TMEM63C: variants seen among roughly 807,000 people sequenced by gnomAD.
TMEM63C encodes osmosensitive cation channel TMEM63C.
TMEM63C carries 32 observed loss-of-function variants against 99.2 expected under a neutral mutation model. The observed-to-expected ratio is 0.32, with a 90% CI of 0.24 to 0.43. The LOEUF (loss-of-function observed/expected upper bound fraction) is 0.43. TMEM63C is among the 20% of genes least tolerant of loss of function. The probability of loss-of-function intolerance (pLI) is 1.00; values close to 1 mark genes in which losing one functional copy is unlikely to be tolerated. For synonymous variants in TMEM63C, 376 were observed against 397.9 expected (o/e 0.94, Z 0.66); for missense variants, 826 against 1,053.0 (o/e 0.78, Z 2.98).
chr14:77,210,948 A>G (rs73307249), intron 1 of TMEM63C, among the ~76,000 whole-genome samples: 6,001 of 152,232 alleles, frequency 0.039, 395 homozygotes, highest in African/African-American at 0.14. Flanking sequence ...TTGTGGCTAT[A>G]GTGATTCTCT....
At chr14:77,221,960 C>T (rs1594859054) in intron 5 of TMEM63C, among the ~76,000 whole-genome samples, 1 of 114,044 alleles carries the variant, frequency 8.8e-6, no homozygotes. Flanking sequence ...GCAGACTTCT[C>T]CTCCACACCG....
intron 1 of TMEM63C, among the ~76,000 whole-genome samples, chr14:77,197,645 A>G (rs985325587): frequency 6.6e-6 from 1 of 152,250 alleles, no homozygotes; most frequent in East Asian, 1.9e-4. Flanking sequence ...GTTCTCTCCC[A>G]GCCATAGTCT....
chr14:77,201,955 G>A (rs1360525204), intron 1 of TMEM63C, among the ~76,000 whole-genome samples: 1 of 152,136 alleles, frequency 6.6e-6, no homozygotes. Flanking sequence ...CCTCTCCCAG[G>A]TGGCCCTAGA....
chr14:77,242,430 G>T lies in TMEM63C; in HGVS notation c.1148G>T (p.Trp383Leu). ...ACCACCATCGTCAAATCATATTACT[G>T]GAGGGTCACTATGGCCCCACACCCC... ...SVTTIVKSYY[W>L]RVTMAPHPKD... The change falls in exon 14 of 24, where the codon TGG becomes TTG. Residue 383 changes from tryptophan (W) to leucine (L), a missense_variant. Physicochemically the swap from Trp to Leu is moderately conservative, Grantham distance 61. Coordinates refer to ENST00000298351, the MANE Select transcript of TMEM63C (RefSeq NM_020431.4). The T allele has an allele frequency of 6.2e-7, 1 of 1,613,734 alleles. No individual in the cohort carries two copies. Among genetic ancestry groups the T allele is most frequent in the Non-Finnish European group, 8.5e-7 (1 of 1,179,842 alleles).
At chr14:77,239,117 A>G (rs776045264) in intron 10 of TMEM63C, among the ~76,000 whole-genome samples, 1 of 152,214 alleles carries the variant, frequency 6.6e-6, no homozygotes, top group Non-Finnish European at 1.5e-5. Context: ...AGCCCCAAGG[A>G]CACTGTTCAC....
At chr14:77,195,333 G>A (rs1888197106) in intron 1 of TMEM63C, among the ~76,000 whole-genome samples, 1 of 152,200 alleles carries the variant, frequency 6.6e-6, no homozygotes. Context: ...CTAGCTGGCT[G>A]CAGAGACTGG....
chr14:77,183,032 G>C (rs1394333509), intron 1 of TMEM63C, among the ~76,000 whole-genome samples: 3 of 152,170 alleles, frequency 2.0e-5, no homozygotes, highest in South Asian at 4.1e-4. Context: ...GCTACATTCC[G>C]TCTATTGCCC....
chr14:77,200,598 A>G (rs867870647), intron 1 of TMEM63C, among the ~76,000 whole-genome samples: 20 of 152,354 alleles, frequency 1.3e-4, no homozygotes, highest in Admixed American at 4.6e-4. Flanking sequence ...AGATGGCGCC[A>G]GAGCCCAGAA....
rs1453891197 is a variant in TMEM63C at position 77,249,449 on chromosome 14, C to G, written c.2029C>G (p.Leu677Val). The change falls in exon 21 of 24, where the codon CTG becomes GTG. Residue 677 changes from leucine to valine, a missense_variant. Physicochemically the swap from Leu to Val is conservative, Grantham distance 32 (BLOSUM62 1). Coordinates refer to ENST00000298351, the MANE Select transcript of TMEM63C (RefSeq NM_020431.4). ...GTTCTGGATGCTGTTCTTCTCCATCCTGCGGTTGGGTAGGTACCAAGCCAG... is the reference window on the plus strand; with the variant it reads ...GTTCTGGATGCTGTTCTTCTCCATCGTGCGGTTGGGTAGGTACCAAGCCAG... ...GLFWMLFFSI[L>V]RLGSLHAITI... 1 of 1,614,002 alleles carries G rather than the reference C, an allele frequency of 6.2e-7. No individual in the cohort carries two copies. Among genetic ancestry groups the G allele is most frequent in the Admixed American group, 1.7e-5 (1 of 60,008 alleles).
Position 77,181,886 on chromosome 14 carries a change from G to A in TMEM63C, c.-85G>A, listed in dbSNP as rs1368751514. ...CTGGGGCTGGGGCCGCGGTGCTGAG[G>A]ACGCAAATGTGGTGAGCACGCGATG... On this transcript the variant is annotated 5_prime_UTR_variant, in exon 1 of 24. Coordinates refer to ENST00000298351, the MANE Select transcript of TMEM63C (RefSeq NM_020431.4). The A allele has an allele frequency of 7.5e-6, 1 of 132,694 alleles. No homozygotes were observed. The highest frequency in any genetic ancestry group is 3.5e-4 in the East Asian group (1 of 2,822). 8.2% of individuals were successfully genotyped at this position (132,694 alleles called of 1,614,324 possible).
chr14:77,243,586 C>T (rs993517950), intron 15 of TMEM63C, among the ~76,000 whole-genome samples: 2 of 152,128 alleles, frequency 1.3e-5, no homozygotes, highest in Non-Finnish European at 2.9e-5. Context: ...AGGCTGGGAG[C>T]CCTCAGCCCT....
intron 23 of TMEM63C, among the ~76,000 whole-genome samples, chr14:77,253,709 G>T (rs989574668): frequency 5.9e-5 from 9 of 152,236 alleles, no homozygotes; most frequent in African/African-American, 1.7e-4. Context: ...GATTGGCCTC[G>T]GGACCAAAGG....
chr14:77,219,651 T>C, intron 4 of TMEM63C, 74 bp downstream of exon 4: 1 of 1,489,948 alleles, frequency 6.7e-7, no homozygotes, highest in Non-Finnish European at 9.3e-7. Flanking sequence ...GACGCAGCTC[T>C]GCCCAGCGCC....
At chr14:77,213,717 T>C (rs1298881370) in intron 2 of TMEM63C, 1 of 152,268 alleles carries the variant, frequency 6.6e-6, no homozygotes, top group African/African-American at 2.4e-5. Context: ...TCTGATGCTC[T>C]GGCAGAAGGC....
chr14:77,187,702 T>C (rs571017880), intron 1 of TMEM63C, among the ~76,000 whole-genome samples: 2 of 152,342 alleles, frequency 1.3e-5, no homozygotes, highest in South Asian at 4.1e-4. Context: ...ATCGCAGCCC[T>C]GATCTGTTCC....
At chr14:77,202,469 C>T (rs892080025) in intron 1 of TMEM63C, among the ~76,000 whole-genome samples, 6 of 152,178 alleles carry the variant, frequency 3.9e-5, no homozygotes, top group Admixed American at 3.3e-4. Flanking sequence ...AGTCTGAAAT[C>T]AAGGTGTCAG....
chr14:77,223,947 G>T (rs1274328596), intron 5 of TMEM63C, among the ~76,000 whole-genome samples: 1 of 152,070 alleles, frequency 6.6e-6, no homozygotes, highest in Non-Finnish European at 1.5e-5. Flanking sequence ...AGGAGGGGTG[G>T]CTGGACCTCT....
chr14:77,243,868 A>T (rs1418816846), intron 15 of TMEM63C, among the ~76,000 whole-genome samples: 1 of 152,028 alleles, frequency 6.6e-6, no homozygotes, highest in Non-Finnish European at 1.5e-5. Context: ...TACAGTCAAC[A>T]TGTGTGCATG....
intron 23 of TMEM63C, among the ~76,000 whole-genome samples, chr14:77,255,281 A>T (rs1889442321): frequency 6.6e-6 from 1 of 152,186 alleles, no homozygotes; most frequent in East Asian, 1.9e-4. Context: ...GTGAGCCACC[A>T]CGCCAGGCCT....
Sources: allele counts gnomAD v4.1 joint callset (sites outside exome capture counted in the v4.1 genomes callset), GRCh38; gene constraint gnomAD v4.1.1; transcripts MANE v1.5; gene names NCBI Gene and HGNC (gene_info 2026-07-23, HGNC 2026-07-21).